The following IGF2 variants were observed in gnomAD, a reference collection of about 807,000 sequenced individuals.
IGF2 encodes insulin like growth factor 2.
A neutral mutation model predicts 12.0 loss-of-function variants in IGF2; 2 were observed. The observed-to-expected ratio is 0.17, with a 90% CI of 0.07 to 0.52. The LOEUF (loss-of-function observed/expected upper bound fraction) is 0.52. Ranked by LOEUF, IGF2 falls within the 20% of genes least tolerant of loss-of-function variation. The pLI is 0.95. For synonymous variants in IGF2, 105 were observed against 110.1 expected (o/e 0.95, Z 0.29); for missense variants, 211 against 268.0 (o/e 0.79, Z 1.48).
chr11:2,138,076 T>G (rs1859213549), intron 1 of IGF2, among the ~76,000 whole-genome samples, 153 bp downstream of exon 1: 1 of 149,218 alleles, frequency 6.7e-6, no homozygotes, highest in Non-Finnish European at 1.5e-5. Flanking sequence ...CCGTCCGTCC[T>G]CCTCCTCCTC....
the IGF2 span, chr11:2,149,496 C>T: frequency 1.4e-6 from 1 of 709,026 alleles, no homozygotes; most frequent in Non-Finnish European, 2.3e-6. Flanking sequence ...CACTCGTTTC[C>T]CTGAGCCCCT....
In IGF2 at chr11:2,129,792, G is replaced by C. The variant is rs539585468; in HGVS notation, c.*3195C>G. 2 of 232,122 alleles carry C rather than the reference G, an allele frequency of 8.6e-6. No homozygotes were observed. The highest frequency in any genetic ancestry group is 1.7e-5 in the Non-Finnish European group (2 of 117,424). The allele number at this position is 232,122 out of a possible 1,614,324, so 14.4% of individuals were successfully genotyped here. A position where few individuals can be genotyped will look rare whatever the true frequency, so the allele number is the denominator to read the frequency against. On this transcript the variant is annotated 3_prime_UTR_variant, in exon 4 of 4. Transcript: ENST00000416167. The surrounding 1 kb of genome is among the most constrained non-coding windows in gnomAD (Gnocchi z 8.1). ...CTGCTAGTCGGGCTGCGTGCAGGGG[G>C]GCTGAGCTGGGGGCACAAGTGGGGG...
upstream of IGF2, among the ~76,000 whole-genome samples, chr11:2,144,921 G>A (rs1859826358): frequency 6.6e-6 from 1 of 152,178 alleles, no homozygotes; most frequent in Non-Finnish European, 1.5e-5. Flanking sequence ...CTGACACTGG[G>A]GAGGCAGAAG....
the IGF2 span, chr11:2,147,186 T>G: frequency 6.2e-6 from 1 of 160,726 alleles, no homozygotes; most frequent in Non-Finnish European, 1.3e-5. This position sits in a 1 kb window ranked among gnomAD's most constrained non-coding sequence, Gnocchi z 7.2. Flanking sequence ...TTTCCTTGGG[T>G]TTTTAGGTTC....
In IGF2 at chr11:2,130,577, T is replaced by TAA. The variant is rs1198259122; in HGVS notation, c.*2408_*2409dup. 2.0e-3 allele frequency: 175 copies of TAA among 89,338 alleles called. No homozygotes were observed. The highest frequency in any genetic ancestry group is 9.9e-3 in the African/African-American group (154 of 15,594). 5.5% of individuals were successfully genotyped at this position (89,338 alleles called of 1,614,324 possible). A position where few individuals can be genotyped will look rare whatever the true frequency, so the allele number is the denominator to read the frequency against. On this transcript the variant is annotated 3_prime_UTR_variant, in exon 4 of 4. Coordinates refer to ENST00000416167, the MANE Select transcript of IGF2 (RefSeq NM_000612.6). ...CTGAGCGCATAAAGCTAAGGAGGGG[T>TAA]AAAAAAAAAACAAAAAAAAAAAAAA... is the stretch of plus-strand genomic sequence containing the variant.
chr11:2,133,718 C>T lies in IGF2; in HGVS notation c.158-53G>A, dbSNP rs775625472. On this transcript the variant is annotated intron_variant, in intron 2 of 3. Coordinates refer to ENST00000416167, the MANE Select transcript of IGF2 (RefSeq NM_000612.6). The surrounding 1 kb of genome is among the most constrained non-coding windows in gnomAD (Gnocchi z 8.9). ...CGTGTTAGCACCGCACTGACCCCAG[C>T]CCCCGGAGGCTGAAGGGGGAGCAAA... The T allele has an allele frequency of 1.9e-6, 3 of 1,598,110 alleles. No homozygotes were observed. Among genetic ancestry groups the T allele is most frequent in the South Asian group, 1.1e-5 (1 of 89,072 alleles).
At chr11:2,136,574 C>T (rs968951206) in intron 1 of IGF2, among the ~76,000 whole-genome samples, 12 of 152,240 alleles carry the variant, frequency 7.9e-5, no homozygotes, top group African/African-American at 2.7e-4. Flanking sequence ...ACCCTCCAGG[C>T]GGGCAGCCCC....
intron 1 of IGF2, among the ~76,000 whole-genome samples, chr11:2,136,733 T>C (rs1332162761): frequency 6.6e-6 from 1 of 152,210 alleles, no homozygotes; most frequent in Non-Finnish European, 1.5e-5. Flanking sequence ...TCCTTGGTCA[T>C]CTCCTTGACT....
At chr11:2,144,392 T>A (rs1227946254), upstream of IGF2, among the ~76,000 whole-genome samples, 1 of 152,134 alleles carries the variant, frequency 6.6e-6, no homozygotes, top group Non-Finnish European at 1.5e-5. Context: ...GCACCCCCGG[T>A]GGCCACCTCC....
At position 2,139,053 on chromosome 11, in the gene IGF2, AG is replaced by A; in HGVS notation, c.-832del. ...GGCTGCGCGCCGGGGGGAGGGCTGG[AG>A]GGGGAGCGCGGGGGGGGGTGACAAC... On this transcript the variant is annotated 5_prime_UTR_variant, in exon 1 of 4. Transcript: ENST00000416167. 3 of 53,912 alleles carry A rather than the reference AG, an allele frequency of 5.6e-5. No homozygotes were observed. The highest frequency in any genetic ancestry group is 6.5e-5 in the Non-Finnish European group (3 of 46,436). The allele number at this position is 53,912 out of a possible 1,614,324, so 3.3% of individuals were successfully genotyped here.
At chr11:2,147,491 A>G in the IGF2 span, 1 of 567,286 alleles carries the variant, frequency 1.8e-6, no homozygotes, top group Non-Finnish European at 2.6e-6. The surrounding 1 kb of genome is among the most constrained non-coding windows in gnomAD (Gnocchi z 7.2). Flanking sequence ...CAGAAGGGGG[A>G]GATCCCAGTT....
chr11:2,147,649 C>T, the IGF2 span: 1 of 1,247,608 alleles, frequency 8.0e-7, no homozygotes, highest in South Asian at 4.0e-5. The surrounding 1 kb of genome is among the most constrained non-coding windows in gnomAD (Gnocchi z 7.2). Flanking sequence ...GGGCCACAGG[C>T]CACAGCAGCT....
Position 2,131,772 on chromosome 11 carries a change from T to TG in IGF2, c.*1214_*1215insC, listed in dbSNP as rs1858591405. 5.7e-6 allele frequency: 1 copy of TG among 176,926 alleles called. No homozygotes were observed. The highest frequency in any genetic ancestry group is 2.8e-5 in the African/African-American group (1 of 36,024). 11.0% of individuals were successfully genotyped at this position (176,926 alleles called of 1,614,324 possible). ...GTGTGTGCATGTGTGTGCTGTGTCTTTGTGTGTGTGCTGTGTGCTAGTGTG... is the reference window on the plus strand; with the variant it reads ...GTGTGTGCATGTGTGTGCTGTGTCTTGTGTGTGTGTGCTGTGTGCTAGTGTG... On this transcript the variant is annotated 3_prime_UTR_variant, in exon 4 of 4. Coordinates refer to ENST00000416167, the MANE Select transcript of IGF2 (RefSeq NM_000612.6).
chr11:2,144,544 T>C (rs1047898458), upstream of IGF2, among the ~76,000 whole-genome samples: 1 of 151,658 alleles, frequency 6.6e-6, no homozygotes, highest in African/African-American at 2.4e-5. Context: ...AGGAGGGGGG[T>C]GCAGGGCTGC....
upstream of IGF2, chr11:2,141,260 A>G (rs565529874): frequency 2.0e-5 from 3 of 152,708 alleles, no homozygotes; most frequent in Admixed American, 2.0e-4. Context: ...AGCCGGGAAC[A>G]ATGCCCAAAT....
upstream of IGF2, among the ~76,000 whole-genome samples, chr11:2,142,219 A>C (rs916733425): frequency 6.6e-6 from 1 of 151,672 alleles, no homozygotes; most frequent in African/African-American, 2.4e-5. The surrounding 1 kb of genome is among the most constrained non-coding windows in gnomAD (Gnocchi z 5.7). Flanking sequence ...AAAAAAAAAA[A>C]ACCTCAATTG....
In IGF2 at chr11:2,130,572, A is replaced by G. The variant is rs1858471416; in HGVS notation, c.*2415T>C. The G allele has an allele frequency of 4.5e-5, 7 of 156,976 alleles. No individual in the cohort carries two copies. The highest frequency in any genetic ancestry group is 1.6e-4 in the Admixed American group (2 of 12,596). The allele number at this position is 156,976 out of a possible 1,614,324, so 9.7% of individuals were successfully genotyped here. A position where few individuals can be genotyped will look rare whatever the true frequency, so the allele number is the denominator to read the frequency against. The stretch of plus-strand genomic sequence containing the variant: ...GGTTTCTGAGCGCATAAAGCTAAGG[A>G]GGGGTAAAAAAAAAACAAAAAAAAA... On this transcript the variant is annotated 3_prime_UTR_variant, in exon 4 of 4. Transcript: ENST00000416167.
At chr11:2,141,688 G>T (rs900088424), upstream of IGF2, among the ~76,000 whole-genome samples, 1 of 152,142 alleles carries the variant, frequency 6.6e-6, no homozygotes, top group African/African-American at 2.4e-5. Flanking sequence ...TGGCCTGGAC[G>T]CTGGCAGCAG....
chr11:2,130,824 A>C lies in IGF2; in HGVS notation c.*2163T>G. ...CCGCCAGACTTCCCACACTCCCCGC[A>C]TCAGTGCACGGCCCCCGAGGACTCC... is the stretch of plus-strand genomic sequence containing the variant. On this transcript the variant is annotated 3_prime_UTR_variant, in exon 4 of 4. Coordinates refer to ENST00000416167, the MANE Select transcript of IGF2 (RefSeq NM_000612.6). The C allele has an allele frequency of 1.3e-5, 1 of 77,252 alleles. No homozygotes were observed. The highest frequency in any genetic ancestry group is 2.4e-5 in the Non-Finnish European group (1 of 41,124). The allele number at this position is 77,252 out of a possible 1,614,324, so 4.8% of individuals were successfully genotyped here. A position where few individuals can be genotyped will look rare whatever the true frequency, so the allele number is the denominator to read the frequency against.
Sources: allele counts gnomAD v4.1 joint callset (sites outside exome capture counted in the v4.1 genomes callset), GRCh38; gene constraint gnomAD v4.1.1; non-coding constraint Gnocchi (gnomAD v3.1); transcripts MANE v1.5; gene names NCBI Gene and HGNC (gene_info 2026-07-23, HGNC 2026-07-21).